ANKRD18B: variants seen among roughly 807,000 people sequenced by gnomAD.
The protein encoded by ANKRD18B is ankyrin repeat domain 18B, also known as ankyrin repeat domain-containing protein 18B.
ANKRD18B carries 75 observed loss-of-function variants against 111.8 expected under a neutral mutation model. That is an observed-to-expected ratio of 0.67 (90% confidence interval 0.56 to 0.81). The LOEUF (loss-of-function observed/expected upper bound fraction) is 0.81. ANKRD18B is among the 40% of genes least tolerant of loss of function. ANKRD18B has a pLI of 0.00. For missense variants in ANKRD18B, 1,038 were observed against 1,225.5 expected (o/e 0.85, Z 2.28); for synonymous variants, 356 against 417.3 (o/e 0.85, Z 1.79).
At chr9:33,573,795 A>G (rs551211001), downstream of ANKRD18B, among the ~76,000 whole-genome samples, 6 of 145,144 alleles carry the variant, frequency 4.1e-5, 2 homozygotes, top group Non-Finnish European at 9.3e-5. Flanking sequence ...TGACCTAGCC[A>G]TCAGGACCTG....
rs1828727663 is a variant in ANKRD18B at position 33,568,898 on chromosome 9, G to C, written c.3177+5G>C. 6.5e-7 allele frequency: 1 copy of C among 1,532,870 alleles called. No individual in the cohort carries two copies. Among genetic ancestry groups the C allele is most frequent in the Non-Finnish European group, 8.8e-7 (1 of 1,139,456 alleles). 95.0% of individuals were successfully genotyped at this position (1,532,870 alleles called of 1,614,324 possible). On this transcript the variant is annotated splice_donor_5th_base_variant and intron_variant, in intron 17 of 18. Coordinates refer to ENST00000684830, the MANE Select transcript of ANKRD18B (RefSeq NM_001393611.1). Reference sequence around the variant, plus strand: ...TGCAAGAACTCCTTGACTGAGGTTAGTTATATGACCATTTCTCTTTTGGGT... The same window carrying C: ...TGCAAGAACTCCTTGACTGAGGTTACTTATATGACCATTTCTCTTTTGGGT...
intron 14 of ANKRD18B, among the ~76,000 whole-genome samples, chr9:33,562,468 C>T (rs1357275685): frequency 6.6e-6 from 1 of 152,128 alleles, no homozygotes; most frequent in African/African-American, 2.4e-5. Flanking sequence ...AGATGCACAG[C>T]TCTGCTTTCT....
chr9:33,567,269 C>T lies in ANKRD18B; in HGVS notation c.2909C>T (p.Ala970Val), dbSNP rs1332661836. Residue 970 changes from alanine (A) to valine (V), a missense_variant, in exon 16 of 19, where the codon GCA becomes GTA. Ala to Val is a moderately conservative substitution (Grantham distance 64, BLOSUM62 0). Around this residue, in one of 4 missense-constraint regions of ANKRD18B, gnomAD observed 524 missense variants for 677.9 expected, o/e 0.77. Transcript: ENST00000684830. ...TTAGAAGAGTATAAGGAAGCCTTTG[C>T]AGTAGCATTGAAAGCTAACAGTTCC... is the stretch of plus-strand genomic sequence containing the variant. ...TELEEYKEAF[A>V]VALKANSSMS... The T allele has an allele frequency of 3.9e-6, 6 of 1,547,644 alleles. No individual in the cohort carries two copies. Among genetic ancestry groups the T allele is most frequent in the South Asian group, 3.6e-5 (3 of 82,786 alleles).
intron 6 of ANKRD18B, among the ~76,000 whole-genome samples, chr9:33,538,685 G>A (rs143821577): frequency 6.6e-6 from 1 of 152,016 alleles, no homozygotes; most frequent in Admixed American, 6.6e-5. Flanking sequence ...GCAGTGAACC[G>A]GAATGCACCA....
chr9:33,573,398 G>A, downstream of ANKRD18B: 2 of 742,210 alleles, frequency 2.7e-6, no homozygotes, highest in Non-Finnish European at 3.3e-6. Flanking sequence ...TCTGTGCTGT[G>A]TCTCTAGATC....
At chr9:33,566,866 T>C (rs1828693383) in intron 15 of ANKRD18B, 1 of 460,186 alleles carries the variant, frequency 2.2e-6, no homozygotes, top group Admixed American at 4.1e-5. Flanking sequence ...TATTACTTTT[T>C]ATAGGACCAG....
chr9:33,538,864 A>G (rs1828237893), intron 6 of ANKRD18B, among the ~76,000 whole-genome samples: 1 of 152,206 alleles, frequency 6.6e-6, no homozygotes, highest in Non-Finnish European at 1.5e-5. Flanking sequence ...TGTAACACCT[A>G]ATGCATTGTA....
chr9:33,532,182 A>G lies in ANKRD18B; in HGVS notation c.496-1257A>G, dbSNP rs146778441. Reference sequence around the variant, plus strand: ...TCGGGAGGTGGAGCTTGCAGTGAGCAGAGATCATGCCACTGCACTCCAGCC... The same window carrying G: ...TCGGGAGGTGGAGCTTGCAGTGAGCGGAGATCATGCCACTGCACTCCAGCC... On this transcript the variant is annotated intron_variant, in intron 3 of 18. Coordinates refer to ENST00000684830, the MANE Select transcript of ANKRD18B (RefSeq NM_001393611.1). Among the ~76,000 whole-genome samples the G allele has an allele frequency of 8.9e-3, 1,359 of 152,116 alleles. 21 individuals are homozygous for G. Among genetic ancestry groups the G allele is most frequent in the East Asian group, 0.048 (248 of 5,170 alleles).
intron 13 of ANKRD18B, among the ~76,000 whole-genome samples, chr9:33,556,325 G>A (rs752164857): frequency 2.0e-4 from 31 of 151,462 alleles, no homozygotes; most frequent in Non-Finnish European, 3.7e-4. Flanking sequence ...GTGCAATGAC[G>A]TGATCTTGGC....
At chr9:33,574,371 G>GT (rs1828828638), downstream of ANKRD18B, 1 of 156,400 alleles carries the variant, frequency 6.4e-6, no homozygotes. Flanking sequence ...TCAGGCAGGG[G>GT]TTTTTTCTGT....
intron 13 of ANKRD18B, among the ~76,000 whole-genome samples, chr9:33,557,619 C>T (rs1424544715): frequency 2.0e-5 from 3 of 152,016 alleles, no homozygotes; most frequent in Non-Finnish European, 4.4e-5. Context: ...TGAACCCCAT[C>T]TCTACTAAAA....
chr9:33,567,023 T>G, intron 15 of ANKRD18B, 80 bp from the exon 16 acceptor site: 3 of 1,394,558 alleles, frequency 2.2e-6, no homozygotes, highest in Non-Finnish European at 2.9e-6. Context: ...TTTGAATCAC[T>G]GATTCAAAAT....
chr9:33,524,548 A>C lies in ANKRD18B; in HGVS notation c.59A>C (p.Asp20Ala), dbSNP rs961612226. ...RLGQALLSSM[D>A]QEYAGRGYHI... ...GGCCAGGCGCTCCTGAGCTCCATGG[A>C]CCAAGAGTATGCGGGTCGGGGGTAC... Residue 20 changes from aspartate to alanine, a missense_variant, in exon 1 of 19, where the codon GAC becomes GCC. Transcript: ENST00000684830. 4.5e-6 allele frequency: 7 copies of C among 1,551,190 alleles called. No individual in the cohort carries two copies. The African/African-American group carries it at 9.6e-5, about 21-fold the overall frequency.
At chr9:33,548,995 A>C in intron 11 of ANKRD18B, 140 bp downstream of exon 11, 3 of 953,482 alleles carry the variant, frequency 3.1e-6, no homozygotes, top group Non-Finnish European at 4.4e-6. Flanking sequence ...TACATGAATC[A>C]TCCAGGAAAT....
At chr9:33,525,299 C>G (rs923063414) in intron 1 of ANKRD18B, among the ~76,000 whole-genome samples, 1 of 152,134 alleles carries the variant, frequency 6.6e-6, no homozygotes, top group South Asian at 2.1e-4. Context: ...TCAAAACGTG[C>G]TATTAATTCC....
At chr9:33,573,997 G>T (rs908873540), downstream of ANKRD18B, among the ~76,000 whole-genome samples, 3 of 144,052 alleles carry the variant, frequency 2.1e-5, 1 homozygote, top group Non-Finnish European at 3.1e-5. Flanking sequence ...GGTGTATTCA[G>T]TATATTAGGG....
At chr9:33,553,816 A>G (rs1306662452) in intron 12 of ANKRD18B, among the ~76,000 whole-genome samples, 1 of 152,150 alleles carries the variant, frequency 6.6e-6, no homozygotes, top group Non-Finnish European at 1.5e-5. Context: ...CGTGGCTCAC[A>G]TCTGTAATCC....
intron 12 of ANKRD18B, among the ~76,000 whole-genome samples, chr9:33,554,720 G>A (rs1391297194): frequency 3.3e-5 from 5 of 152,110 alleles, no homozygotes; most frequent in Non-Finnish European, 5.9e-5. Flanking sequence ...TACACAGGAG[G>A]ATATCTTTAT....
At chr9:33,547,361 A>G (rs1408892919) in intron 10 of ANKRD18B, among the ~76,000 whole-genome samples, 9 of 152,278 alleles carry the variant, frequency 5.9e-5, no homozygotes, top group Non-Finnish European at 4.4e-5. Flanking sequence ...TGTATGTAGA[A>G]GTGCTTAGTA....
Sources: allele counts gnomAD v4.1 joint callset (sites outside exome capture counted in the v4.1 genomes callset), GRCh38; gene constraint gnomAD v4.1.1; regional missense constraint gnomAD v4.1.1; transcripts MANE v1.5; gene names NCBI Gene and HGNC (gene_info 2026-07-23, HGNC 2026-07-21).